TMTC3: variants seen among roughly 807,000 people sequenced by gnomAD.
TMTC3 encodes protein O-mannosyl-transferase TMTC3.
Under a neutral mutation model 92.2 loss-of-function variants are expected in TMTC3, and 52 were observed. The observed-to-expected ratio is 0.56, with a 90% CI of 0.45 to 0.71. The LOEUF (loss-of-function observed/expected upper bound fraction) is 0.71. TMTC3 is among the 30% of genes least tolerant of loss of function. The pLI is 0.00. For missense variants in TMTC3, 896 were observed against 1,057.1 expected, an observed-to-expected ratio of 0.85 and a Z score of 2.11; for synonymous variants, 339 against 363.3, an observed-to-expected ratio of 0.93 and a Z score of 0.76.
intron 7 of TMTC3, among the ~76,000 whole-genome samples, chr12:88,168,039 G>A (rs1046498495): frequency 6.6e-6 from 1 of 152,164 alleles, no homozygotes; most frequent in East Asian, 1.9e-4. Context: ...CCAGAAAACA[G>A]TTGAGTGGGC....
At position 88,174,587 on chromosome 12, in the gene TMTC3, G is replaced by C. The variant is rs927028456; in HGVS notation, c.1200-20G>C. On this transcript the variant is annotated intron_variant, in intron 8 of 13. Coordinates refer to ENST00000266712, the MANE Select transcript of TMTC3 (RefSeq NM_181783.4). ...TGATGAAGACAATTTTTTTTGTTTT[G>C]CTTTTTTTCTCTTAAACAGTGTATT... 1.3e-6 allele frequency: 2 copies of C among 1,579,718 alleles called. No homozygotes were observed. Among genetic ancestry groups the C allele is most frequent in the African/African-American group, 2.8e-5 (2 of 72,540 alleles).
chr12:88,149,307 A>G (rs1335430730), intron 2 of TMTC3, among the ~76,000 whole-genome samples: 1 of 152,178 alleles, frequency 6.6e-6, no homozygotes, highest in African/African-American at 2.4e-5. Flanking sequence ...TATCAGCTTG[A>G]TATCATATAG....
intron 6 of TMTC3, among the ~76,000 whole-genome samples, chr12:88,165,930 A>G (rs2041138179): frequency 6.6e-6 from 1 of 152,178 alleles, no homozygotes; most frequent in Non-Finnish European, 1.5e-5. Context: ...GTAGGAAAGC[A>G]TTGGTGAGTG....
chr12:88,153,820 C>G (rs906255010), intron 3 of TMTC3, among the ~76,000 whole-genome samples: 2 of 151,732 alleles, frequency 1.3e-5, no homozygotes, highest in African/African-American at 4.8e-5. Flanking sequence ...AACAAGATTT[C>G]TAAGGACTAT....
At position 88,148,382 on chromosome 12, in the gene TMTC3, A is replaced by G; in HGVS notation, c.67A>G (p.Ser23Gly). The G allele has an allele frequency of 6.2e-7, 1 of 1,613,672 alleles. No individual in the cohort carries two copies. Among genetic ancestry groups the G allele is most frequent in the Non-Finnish European group, 8.5e-7 (1 of 1,179,732 alleles). Residue 23 changes from serine to glycine, a missense_variant, in exon 2 of 14, where the codon AGC becomes GGC. By Grantham distance (56) the Ser-to-Gly change is moderately conservative. Coordinates refer to ENST00000266712, the MANE Select transcript of TMTC3 (RefSeq NM_181783.4). ...VGVVTACYWN[S>G]LFCGFVFDDV... ...TGTGGTTACTGCCTGCTATTGGAACAGCCTCTTTTGTGGTTTTGTTTTTGA... is the reference window on the plus strand; with the variant it reads ...TGTGGTTACTGCCTGCTATTGGAACGGCCTCTTTTGTGGTTTTGTTTTTGA...
chr12:88,158,985 G>A (rs1468802811), intron 4 of TMTC3, among the ~76,000 whole-genome samples: 1 of 149,828 alleles, frequency 6.7e-6, no homozygotes, highest in Admixed American at 6.7e-5. Flanking sequence ...CTGGGAGGCA[G>A]AGGTTGCAGT....
chr12:88,187,605 C>A (rs527952766), intron 10 of TMTC3, among the ~76,000 whole-genome samples: 1 of 152,252 alleles, frequency 6.6e-6, no homozygotes, highest in South Asian at 2.1e-4. Context: ...CTAAACTTAT[C>A]TATAATCAAA....
Position 88,188,890 on chromosome 12 carries a change from A to C in TMTC3, c.1480A>C (p.Asn494His), listed in dbSNP as rs1225475039. The change falls in exon 11 of 14, where the codon AAT becomes CAT. Residue 494 changes from asparagine (N) to histidine (H), a missense_variant. Transcript: ENST00000266712. Reference sequence around the variant, plus strand: ...TGTAGGAAGAACTTATAAAAATTTAAATAGAACCAAAGAAGCTGAAGAATC... The same window carrying C: ...TGTAGGAAGAACTTATAAAAATTTACATAGAACCAAAGAAGCTGAAGAATC... ...MNVGRTYKNL[N>H]RTKEAEESYM... 2 of 1,597,354 alleles carry C rather than the reference A, an allele frequency of 1.3e-6. No individual in the cohort carries two copies. The highest frequency in any genetic ancestry group is 3.4e-4 in the Middle Eastern group (2 of 5,876).
In TMTC3 at chr12:88,166,506, C is replaced by T. The variant is rs1336996514; in HGVS notation, c.974C>T (p.Thr325Ile). ...LLDIRNLATFTFFCFLGMLGV... is the reference protein window; with the variant it reads ...LLDIRNLATFIFFCFLGMLGV... The stretch of plus-strand genomic sequence containing the variant: ...GATATTCGAAATCTGGCCACATTTA[C>T]TTTCTTTTGTTTTCTGGGGATGTTG... Residue 325 changes from threonine (T) to isoleucine (I), a missense_variant, in exon 7 of 14, where the codon ACT (threonine) becomes ATT (isoleucine). Transcript: ENST00000266712. The T allele has an allele frequency of 1.9e-6, 3 of 1,613,870 alleles. No individual in the cohort carries two copies. Among genetic ancestry groups the T allele is most frequent in the Admixed American group, 1.7e-5 (1 of 59,984 alleles).
intron 8 of TMTC3, among the ~76,000 whole-genome samples, chr12:88,174,279 TAGAAA>T (rs1241493317): frequency 4.6e-5 from 7 of 152,100 alleles, no homozygotes; most frequent in Admixed American, 4.6e-4. Context: ...TACTCAGTTG[TAGAAA>T]ATGGCACAAA....
chr12:88,148,244 G>A (rs942454377), intron 1 of TMTC3, 44 bp from the exon 2 acceptor site: 8 of 1,310,530 alleles, frequency 6.1e-6, no homozygotes, highest in Non-Finnish European at 8.5e-6. Flanking sequence ...AACTTACTTG[G>A]AATAAATATG....
Position 88,195,450 on chromosome 12 carries a change from T to G in TMTC3, c.2546T>G (p.Ile849Ser). Residue 849 changes from isoleucine (I) to serine (S), a missense_variant, in exon 14 of 14, where the codon ATT becomes AGT. Coordinates refer to ENST00000266712, the MANE Select transcript of TMTC3 (RefSeq NM_181783.4). ...ATTCCAACTGAAAGTGTAAAAGAAA[T>G]TAGAGGTGAATCCAGACAAACACAA... is the stretch of plus-strand genomic sequence containing the variant. ...KKIPTESVKE[I>S]RGESRQTQIV... 2 of 1,612,994 alleles carry G rather than the reference T, an allele frequency of 1.2e-6. No homozygotes were observed. The highest frequency in any genetic ancestry group is 1.7e-6 in the Non-Finnish European group (2 of 1,179,650).
intron 2 of TMTC3, among the ~76,000 whole-genome samples, chr12:88,152,242 C>G (rs1424441690): frequency 6.6e-6 from 1 of 152,134 alleles, no homozygotes. Context: ...GAAAGTTTTA[C>G]TACCTGTAGA....
chr12:88,144,534 G>T (rs1238807457), intron 1 of TMTC3, among the ~76,000 whole-genome samples: 3 of 151,922 alleles, frequency 2.0e-5, no homozygotes, highest in Non-Finnish European at 4.4e-5. Context: ...AAGGTGCCTG[G>T]TCTCTAATGG....
At chr12:88,176,792 CA>C (rs1356913939) in intron 10 of TMTC3, among the ~76,000 whole-genome samples, 1 of 151,130 alleles carries the variant, frequency 6.6e-6, no homozygotes, top group African/African-American at 2.4e-5. Flanking sequence ...CAAAAACAAA[CA>C]AAAACATTTA....
intron 2 of TMTC3, among the ~76,000 whole-genome samples, chr12:88,150,675 C>A (rs1287754517): frequency 3.3e-5 from 5 of 152,046 alleles, no homozygotes; most frequent in Non-Finnish European, 7.4e-5. Flanking sequence ...AAATGTGACA[C>A]TAGGGAAAAT....
intron 6 of TMTC3, among the ~76,000 whole-genome samples, chr12:88,165,108 G>A (rs1208624951): frequency 1.3e-5 from 2 of 152,046 alleles, no homozygotes; most frequent in African/African-American, 4.8e-5. Context: ...GTGAATTTAT[G>A]TATGTGTTAG....
intron 9 of TMTC3, among the ~76,000 whole-genome samples, chr12:88,175,038 C>G (rs998036136): frequency 1.3e-5 from 2 of 151,848 alleles, no homozygotes; most frequent in Non-Finnish European, 2.9e-5. Context: ...TATATTTTTC[C>G]TTTTTTATAT....
chr12:88,184,879 G>T (rs940585206), intron 10 of TMTC3, among the ~76,000 whole-genome samples: 1 of 152,086 alleles, frequency 6.6e-6, no homozygotes, highest in African/African-American at 2.4e-5. Context: ...AAAGGGCATA[G>T]AGATTAGAAA....
Sources: allele counts gnomAD v4.1 joint callset (sites outside exome capture counted in the v4.1 genomes callset), GRCh38; gene constraint gnomAD v4.1.1; transcripts MANE v1.5; gene names NCBI Gene and HGNC (gene_info 2026-07-23, HGNC 2026-07-21).